The following TNFRSF11A variants were observed in gnomAD, a reference collection of about 807,000 sequenced individuals.
TNFRSF11A encodes the protein tumor necrosis factor receptor superfamily member 11A.
Under a neutral mutation model 55.7 loss-of-function variants are expected in TNFRSF11A, and 32 were observed. That is an observed-to-expected ratio of 0.57 (90% CI 0.43 to 0.77). TNFRSF11A has a LOEUF of 0.77. TNFRSF11A is among the 30% of genes least tolerant of loss of function. TNFRSF11A has a pLI of 0.00. For missense variants in TNFRSF11A, 753 were observed against 809.8 expected (o/e 0.93, Z 0.85); for synonymous variants, 311 against 331.0 (o/e 0.94, Z 0.65).
In TNFRSF11A at chr18:62,384,802, T is replaced by C. The variant is rs1173428223; in HGVS notation, c.1619T>C (p.Met540Thr). 2 of 1,612,686 alleles carry C rather than the reference T, an allele frequency of 1.2e-6. No homozygotes were observed. The highest frequency in any genetic ancestry group is 1.7e-6 in the Non-Finnish European group (2 of 1,179,566). Residue 540 changes from methionine to threonine, a missense_variant, in exon 10 of 10, where the codon ATG becomes ACG. This residue lies in a region of TNFRSF11A where 567 missense variants were observed against 596.7 expected (regional missense o/e 0.95). Transcript: ENST00000586569. The stretch of plus-strand genomic sequence containing the variant: ...ACGTTCATCTCCAGCGGGCAGGTGA[T>C]GAACTTCAAGGGCGACATCATCGTG... ...NSTFISSGQV[M>T]NFKGDIIVVY...
intron 3 of TNFRSF11A, among the ~76,000 whole-genome samples, chr18:62,352,157 T>C (rs184245462): frequency 1.2e-4 from 18 of 152,366 alleles, no homozygotes; most frequent in African/African-American, 4.3e-4. Flanking sequence ...CCAAGGTGTT[T>C]TGATACAGCC....
At chr18:62,357,770 G>A (rs1909368096) in intron 4 of TNFRSF11A, 1 of 221,550 alleles carries the variant, frequency 4.5e-6, no homozygotes, top group Non-Finnish European at 9.2e-6. Context: ...AAGAGGTCAG[G>A]ACAGTGACCT....
chr18:62,378,449 C>T (rs976472942), intron 9 of TNFRSF11A, among the ~76,000 whole-genome samples: 3 of 152,176 alleles, frequency 2.0e-5, no homozygotes, highest in African/African-American at 7.2e-5. Flanking sequence ...CCCTTTCAGT[C>T]TTTAAGACGC....
intron 9 of TNFRSF11A, among the ~76,000 whole-genome samples, chr18:62,369,756 T>C (rs1221348441): frequency 2.6e-5 from 4 of 152,224 alleles, no homozygotes; most frequent in Non-Finnish European, 1.5e-5. Flanking sequence ...TTCAGGCTTT[T>C]CATGATAGGA....
intron 7 of TNFRSF11A, among the ~76,000 whole-genome samples, chr18:62,364,393 C>A (rs1190419225): frequency 6.6e-6 from 1 of 152,078 alleles, no homozygotes; most frequent in East Asian, 1.9e-4. Context: ...TGCTCCTTGT[C>A]CTTAGCAAAG....
chr18:62,328,825 C>G (rs138075373), intron 1 of TNFRSF11A, among the ~76,000 whole-genome samples: 1 of 152,352 alleles, frequency 6.6e-6, no homozygotes, highest in African/African-American at 2.4e-5. Flanking sequence ...TATTTCCTTT[C>G]TACCACTTCC....
At chr18:62,367,788 C>CTTTTTTTTTTTTTTTTTTTTT (rs67721371) in intron 8 of TNFRSF11A, among the ~76,000 whole-genome samples, 1 of 78,670 alleles carries the variant, frequency 1.3e-5, no homozygotes, top group African/African-American at 5.1e-5. Context: ...TCTTCTTCTT[C>CTTTTTTTTTTTTTTTTTTTTT]TTTTTTTTTT....
At chr18:62,341,583 A>G (rs972637301) in intron 1 of TNFRSF11A, among the ~76,000 whole-genome samples, 1 of 152,178 alleles carries the variant, frequency 6.6e-6, no homozygotes, top group African/African-American at 2.4e-5. Flanking sequence ...GCCCGTGAAT[A>G]TCCCTCCTCT....
At chr18:62,370,717 T>C (rs1326069851) in intron 9 of TNFRSF11A, among the ~76,000 whole-genome samples, 1 of 152,246 alleles carries the variant, frequency 6.6e-6, no homozygotes, top group Non-Finnish European at 1.5e-5. Context: ...AGAACTGGTA[T>C]GTTTTCTTCT....
intron 1 of TNFRSF11A, among the ~76,000 whole-genome samples, chr18:62,341,796 A>C (rs2046313207): frequency 7.1e-6 from 1 of 141,590 alleles, no homozygotes; most frequent in South Asian, 2.4e-4. Context: ...GTTATTAATT[A>C]GCACTATTGT....
intron 7 of TNFRSF11A, among the ~76,000 whole-genome samples, chr18:62,364,771 T>A (rs1909956663): frequency 6.6e-6 from 1 of 152,158 alleles, no homozygotes; most frequent in South Asian, 2.1e-4. Flanking sequence ...CTATATATAT[T>A]TTGCGTGTAC....
At chr18:62,365,483 C>T (rs755040041) in intron 7 of TNFRSF11A, among the ~76,000 whole-genome samples, 1 of 152,104 alleles carries the variant, frequency 6.6e-6, no homozygotes, top group Non-Finnish European at 1.5e-5. Flanking sequence ...TCTTGGGGCC[C>T]GCTGGTCTCA....
At chr18:62,380,805 C>CTT (rs34045772) in intron 9 of TNFRSF11A, among the ~76,000 whole-genome samples, 3 of 83,588 alleles carry the variant, frequency 3.6e-5, no homozygotes, top group African/African-American at 6.9e-5. Context: ...AAATAATATT[C>CTT]TTTTTTTTTT....
rs949561308 is a variant in TNFRSF11A at position 62,325,686 on chromosome 18, G to A, written c.75+259G>A. On this transcript the variant is annotated intron_variant, in intron 1 of 9. Transcript: ENST00000586569. This position sits in a 1 kb window ranked among gnomAD's most constrained non-coding sequence, Gnocchi z 4.7. ...ACACCCGAAACGGGCTCTTCCAAAA[G>A]CCCCTCTTAGCCGCAGGCTTTGATG... is the stretch of plus-strand genomic sequence containing the variant. Among the ~76,000 whole-genome samples, 1 of 152,198 alleles carries A rather than the reference G, an allele frequency of 6.6e-6. No individual in the cohort carries two copies. The highest frequency in any genetic ancestry group is 2.4e-5 in the African/African-American group (1 of 41,464).
chr18:62,333,239 C>T (rs962086337), intron 1 of TNFRSF11A, among the ~76,000 whole-genome samples: 2 of 152,154 alleles, frequency 1.3e-5, no homozygotes, highest in Non-Finnish European at 2.9e-5. Context: ...CAGGGGTTCT[C>T]CAACTGTGGG....
chr18:62,328,240 G>T (rs747168422), intron 1 of TNFRSF11A, among the ~76,000 whole-genome samples: 4 of 150,896 alleles, frequency 2.7e-5, no homozygotes, highest in Non-Finnish European at 5.9e-5. Flanking sequence ...GAGAGGGAGG[G>T]AGGACCGCTG....
intron 9 of TNFRSF11A, chr18:62,374,052 C>T (rs192729989): frequency 4.5e-4 from 69 of 152,306 alleles, no homozygotes; most frequent in African/African-American, 1.5e-3. Flanking sequence ...AGCTAAATCT[C>T]GTAAGGGCAG....
Position 62,367,788 on chromosome 18 carries a change from C to CTTTTTTTTTTTTTTTT in TNFRSF11A, c.784-905_784-890dup, listed in dbSNP as rs67721371. Reference sequence around the variant, plus strand: ...GATCTTTCTTTCTTTTCTTCTTCTTCTTTTTTTTTTTTTTTTTTTTTTTGA... The same window carrying CTTTTTTTTTTTTTTTT: ...GATCTTTCTTTCTTTTCTTCTTCTTCTTTTTTTTTTTTTTTTTTTTTTTTTTTTTTTTTTTTTTTGA... On this transcript the variant is annotated intron_variant, in intron 8 of 9. Transcript: ENST00000586569. Among the ~76,000 whole-genome samples, 19 of 78,674 alleles carry CTTTTTTTTTTTTTTTT rather than the reference C, an allele frequency of 2.4e-4. 1 individual carries two copies. Among genetic ancestry groups the CTTTTTTTTTTTTTTTT allele is most frequent in the Admixed American group, 3.7e-4 (2 of 5,334 alleles). 51.6% of individuals were successfully genotyped at this position (78,674 alleles called of 152,430 possible).
intron 7 of TNFRSF11A, among the ~76,000 whole-genome samples, chr18:62,364,343 G>A (rs912479492): frequency 2.0e-5 from 3 of 152,116 alleles, no homozygotes; most frequent in Non-Finnish European, 4.4e-5. Context: ...GGCTGGAGAG[G>A]AGGGCATGGC....
Sources: gnomAD v4.1 joint callset for allele counts (sites outside exome capture counted in the v4.1 genomes callset) on GRCh38, gnomAD v4.1.1 for gene constraint, gnomAD v4.1.1 regional missense constraint, Gnocchi (gnomAD v3.1) non-coding constraint, MANE v1.5 for transcripts, NCBI Gene and HGNC (gene_info 2026-07-23, HGNC 2026-07-21) for gene names.